Variants in TMEM132C observed in about 807,000 individuals in gnomAD.
TMEM132C encodes the protein transmembrane protein 132C.
A neutral mutation model predicts 61.4 loss-of-function variants in TMEM132C; 29 were observed. That is an observed-to-expected ratio of 0.47 (90% CI 0.35 to 0.64). The LOEUF (loss-of-function observed/expected upper bound fraction) is 0.64, where lower values mean the gene tolerates loss of function less well. TMEM132C is among the 30% of genes least tolerant of loss of function. The pLI is 0.00. For synonymous variants in TMEM132C, 656 were observed against 633.1 expected, an observed-to-expected ratio of 1.04 and a Z score of -0.54; for missense variants, 1,408 against 1,476.9, an observed-to-expected ratio of 0.95 and a Z score of 0.76.
At chr12:128,540,915 CTCTG>C (rs935023301) in intron 2 of TMEM132C, among the ~76,000 whole-genome samples, 5 of 132,470 alleles carry the variant, frequency 3.8e-5, no homozygotes, top group Admixed American at 1.4e-4. Context: ...CCCTGGCTTA[CTCTG>C]TCTGTCTGTT....
chr12:128,267,344 C>A lies in TMEM132C; in HGVS notation c.-59C>A. On this transcript the variant is annotated 5_prime_UTR_variant, in exon 1 of 9. Transcript: ENST00000435159. ...CGGGCATGGGGCGGCCGGCGGGGGCCGCGGGCGGGCGCTGCGCTTCGGGCT... is the reference window on the plus strand; with the variant it reads ...CGGGCATGGGGCGGCCGGCGGGGGCAGCGGGCGGGCGCTGCGCTTCGGGCT... The A allele has an allele frequency of 1.0e-6, 1 of 973,698 alleles. No homozygotes were observed. Among genetic ancestry groups the A allele is most frequent in the East Asian group, 1.1e-4 (1 of 8,888 alleles). The allele number at this position is 973,698 out of a possible 1,614,324, so 60.3% of individuals were successfully genotyped here. A position where few individuals can be genotyped will look rare whatever the true frequency, so the allele number is the denominator to read the frequency against.
rs188201308 is a variant in TMEM132C at position 128,496,469 on chromosome 12, C to G, written c.975-47488C>G. Among the ~76,000 whole-genome samples the G allele has an allele frequency of 3.5e-3, 526 of 152,296 alleles. 7 individuals carry two copies. The highest frequency in any genetic ancestry group is 0.012 in the African/African-American group (490 of 41,562). On this transcript the variant is annotated intron_variant, in intron 2 of 8. Transcript: ENST00000435159. ...ATTCTCCCCATCACTTTCAGGTACA[C>G]CAATCAGATGTAGATTTGGTCTTTT...
intron 1 of TMEM132C, among the ~76,000 whole-genome samples, chr12:128,405,456 A>G (rs1009161180): frequency 6.6e-6 from 1 of 152,168 alleles, no homozygotes; most frequent in Non-Finnish European, 1.5e-5. Context: ...TCGCCTGTTC[A>G]ACCATATGAG....
chr12:128,392,523 G>T (rs949314953), intron 1 of TMEM132C, among the ~76,000 whole-genome samples: 1 of 152,094 alleles, frequency 6.6e-6, no homozygotes, highest in African/African-American at 2.4e-5. Flanking sequence ...TCATGAAGGA[G>T]CAAAGTGTGT....
intron 2 of TMEM132C, among the ~76,000 whole-genome samples, chr12:128,427,225 A>C (rs1869215663): frequency 6.6e-6 from 1 of 152,172 alleles, no homozygotes; most frequent in Admixed American, 6.5e-5. Context: ...AGAAAGGAAA[A>C]AAACAGGCAT....
At chr12:128,329,263 T>A (rs1416507936) in intron 1 of TMEM132C, among the ~76,000 whole-genome samples, 1 of 152,162 alleles carries the variant, frequency 6.6e-6, no homozygotes, top group African/African-American at 2.4e-5. Flanking sequence ...TTAGCATAGT[T>A]GGATTTTTTT....
intron 2 of TMEM132C, among the ~76,000 whole-genome samples, chr12:128,515,525 CT>C (rs1196196723): frequency 6.6e-6 from 1 of 152,180 alleles, no homozygotes; most frequent in African/African-American, 2.4e-5. Flanking sequence ...ATTCTGTTTT[CT>C]TTTATTTGCA....
chr12:128,413,298 CAAAAAAA>C (rs56026776), intron 1 of TMEM132C, among the ~76,000 whole-genome samples: 2 of 60,578 alleles, frequency 3.3e-5, no homozygotes, highest in South Asian at 1.1e-3. Context: ...GACTCTGTCT[CAAAAAAA>C]AAAAAAAAAA....
chr12:128,287,112 C>G (rs1001539009), intron 1 of TMEM132C, among the ~76,000 whole-genome samples: 1 of 152,074 alleles, frequency 6.6e-6, no homozygotes, highest in African/African-American at 2.4e-5. Flanking sequence ...ACATGTTGGG[C>G]AAGATTATTG....
chr12:128,646,804 T>C (rs190419730), intron 4 of TMEM132C, among the ~76,000 whole-genome samples: 3 of 151,924 alleles, frequency 2.0e-5, no homozygotes, highest in African/African-American at 7.2e-5. Context: ...ATTGGATGAG[T>C]GTGTTTACTG....
intron 2 of TMEM132C, among the ~76,000 whole-genome samples, chr12:128,467,244 G>A (rs1300713941): frequency 6.6e-6 from 1 of 152,168 alleles, no homozygotes; most frequent in Non-Finnish European, 1.5e-5. Flanking sequence ...CTTTGTTTAG[G>A]AAATTAATAG....
intron 4 of TMEM132C, among the ~76,000 whole-genome samples, chr12:128,648,209 TG>T (rs2135606601): frequency 6.6e-6 from 1 of 151,262 alleles, no homozygotes; most frequent in East Asian, 2.0e-4. Context: ...CAGCGTTGGA[TG>T]TGAGTGTGTT....
intron 2 of TMEM132C, among the ~76,000 whole-genome samples, chr12:128,458,415 ATT>A (rs1870420567): frequency 6.6e-6 from 1 of 151,852 alleles, no homozygotes; most frequent in Non-Finnish European, 1.5e-5. Flanking sequence ...TCTTAATTTT[ATT>A]TCCTTCTTTC....
At chr12:128,290,486 A>C (rs946224505) in intron 1 of TMEM132C, among the ~76,000 whole-genome samples, 2 of 152,130 alleles carry the variant, frequency 1.3e-5, no homozygotes, top group Admixed American at 1.3e-4. Flanking sequence ...GGAGATTTCA[A>C]TTCAAGATGA....
intron 2 of TMEM132C, among the ~76,000 whole-genome samples, chr12:128,531,831 G>GC (rs34262954): frequency 0.39 from 58,927 of 151,786 alleles, 13,781 homozygotes; most frequent in African/African-American, 0.66. Context: ...AAAGGACAGT[G>GC]CCCCCCTCAC....
chr12:128,665,684 T>C (rs1469586056), intron 4 of TMEM132C, among the ~76,000 whole-genome samples: 3 of 85,334 alleles, frequency 3.5e-5, no homozygotes, highest in African/African-American at 9.5e-5. Flanking sequence ...CATACACACA[T>C]ACACATACAG....
At chr12:128,664,573 G>C (rs1954437647) in intron 4 of TMEM132C, among the ~76,000 whole-genome samples, 1 of 152,228 alleles carries the variant, frequency 6.6e-6, no homozygotes, top group Non-Finnish European at 1.5e-5. Context: ...TTGAGACAGT[G>C]TTGATAAGCG....
chr12:128,311,675 C>G (rs12425839), intron 1 of TMEM132C, among the ~76,000 whole-genome samples: 14,071 of 152,252 alleles, frequency 0.092, 841 homozygotes, highest in East Asian at 0.22. Context: ...CCCGCCGGAA[C>G]CTGGTGCCCC....
At chr12:128,345,543 A>G (rs112805178) in intron 1 of TMEM132C, among the ~76,000 whole-genome samples, 3,267 of 152,278 alleles carry the variant, frequency 0.021, 102 homozygotes, top group African/African-American at 0.067. Flanking sequence ...GTGTATCAGC[A>G]TTCTTTCTTC....
Sources: allele counts gnomAD v4.1 joint callset (sites outside exome capture counted in the v4.1 genomes callset), GRCh38; gene constraint gnomAD v4.1.1; transcripts MANE v1.5; gene names NCBI Gene and HGNC (gene_info 2026-07-23, HGNC 2026-07-21).